The following PRKAG2 variants were observed in gnomAD, a reference collection of about 807,000 sequenced individuals.
PRKAG2 encodes 5'-AMP-activated protein kinase subunit gamma-2.
In PRKAG2, 26 loss-of-function variants were observed where a neutral mutation model predicts 69.6. The observed-to-expected ratio is 0.37, with a 90% CI of 0.27 to 0.52. The LOEUF (loss-of-function observed/expected upper bound fraction) is 0.52, where lower values mean the gene tolerates loss of function less well. Ranked by LOEUF, PRKAG2 falls within the 20% of genes least tolerant of loss-of-function variation. PRKAG2 has a pLI of 0.90. For synonymous variants in PRKAG2, 293 were observed against 285.0 expected, an observed-to-expected ratio of 1.03 and a Z score of -0.28; for missense variants, 557 against 740.0, an observed-to-expected ratio of 0.75 and a Z score of 2.87.
chr7:151,840,659 A>T (rs1205797032), intron 1 of PRKAG2, among the ~76,000 whole-genome samples: 3 of 152,200 alleles, frequency 2.0e-5, no homozygotes, highest in Admixed American at 6.5e-5. Context: ...CCCAAGATGG[A>T]AGTTCACTGT....
chr7:151,794,478 C>A (rs2077400852), intron 1 of PRKAG2, among the ~76,000 whole-genome samples: 1 of 152,274 alleles, frequency 6.6e-6, no homozygotes, highest in Admixed American at 6.5e-5. Flanking sequence ...TCATCAAAGG[C>A]CCTTCCCGCG....
At chr7:151,708,428 C>T (rs1838992190) in intron 3 of PRKAG2, among the ~76,000 whole-genome samples, 1 of 152,040 alleles carries the variant, frequency 6.6e-6, no homozygotes, top group Admixed American at 6.6e-5. Context: ...ATAGAAGCAA[C>T]AAAAAATAAA....
chr7:151,709,203 TTG>T (rs1273183630), intron 3 of PRKAG2, among the ~76,000 whole-genome samples: 3 of 152,138 alleles, frequency 2.0e-5, no homozygotes, highest in African/African-American at 7.2e-5. Flanking sequence ...CTGAATGACA[TTG>T]TGTGACACAG....
At chr7:151,859,476 C>T (rs1006162133) in intron 1 of PRKAG2, among the ~76,000 whole-genome samples, 2 of 152,234 alleles carry the variant, frequency 1.3e-5, no homozygotes, top group African/African-American at 4.8e-5. Flanking sequence ...GCGCCCAGCA[C>T]ATCTCTCCGT....
rs141126421 is a variant in PRKAG2, at chr7:151,807,723, T to G, written c.115-21182A>C. ...GCCCCTCACTTGGGTCAAGGCAGCA[T>G]TTCAGAGGAAGCCAGGAGCGAGAAC... On this transcript the variant is annotated intron_variant, in intron 1 of 15. Transcript: ENST00000287878. This position sits in a 1 kb window ranked among gnomAD's most constrained non-coding sequence, Gnocchi z 4.4. 7.3e-3 allele frequency: 2,955 copies of G among 403,152 alleles called. 28 individuals are homozygous for G. Among genetic ancestry groups the G allele is most frequent in the Middle Eastern group, 0.03 (64 of 2,124 alleles). 25.0% of individuals were successfully genotyped at this position (403,152 alleles called of 1,614,324 possible).
intron 3 of PRKAG2, among the ~76,000 whole-genome samples, chr7:151,677,120 G>A (rs530897870): frequency 6.6e-6 from 1 of 152,332 alleles, no homozygotes; most frequent in South Asian, 2.1e-4. Context: ...TGAGGAGACT[G>A]ATGCAATGCA....
intron 3 of PRKAG2, among the ~76,000 whole-genome samples, chr7:151,750,096 C>CAAAAAA (rs35915808): frequency 2.2e-4 from 14 of 62,978 alleles, no homozygotes; most frequent in East Asian, 4.8e-4. Flanking sequence ...GACTCCATCT[C>CAAAAAA]AAAAAAAAAA....
rs1289222762 is a variant in PRKAG2 at position 151,814,623 on chromosome 7, C to T, written c.115-28082G>A. 2.3e-5 allele frequency: 28 copies of T among 1,231,796 alleles called. No individual in the cohort carries two copies. Among genetic ancestry groups the T allele is most frequent in the Middle Eastern group, 6.2e-4 (2 of 3,208 alleles). 76.3% of individuals were successfully genotyped at this position (1,231,796 alleles called of 1,614,324 possible). ...CAATTTCTAGGGTTCGGCTGTGCTC[C>T]GAGCTGCTGCCACTGCATGTCTGCA... On this transcript the variant is annotated intron_variant, in intron 1 of 15. Transcript: ENST00000287878. This position sits in a 1 kb window ranked among gnomAD's most constrained non-coding sequence, Gnocchi z 4.8.
chr7:151,560,476 C>G, intron 15 of PRKAG2, 48 bp downstream of exon 15: 1 of 1,613,652 alleles, frequency 6.2e-7, no homozygotes, highest in Non-Finnish European at 8.5e-7. Context: ...GTTCTACCTC[C>G]CACCCTTCCT....
chr7:151,646,948 T>A (rs1165968961), intron 4 of PRKAG2, among the ~76,000 whole-genome samples: 3 of 152,196 alleles, frequency 2.0e-5, no homozygotes, highest in African/African-American at 7.2e-5. Flanking sequence ...TCCTCTACCT[T>A]CCTTCCTAGA....
Position 151,710,023 on chromosome 7 carries a change from G to T in PRKAG2, c.467-34386C>A, listed in dbSNP as rs74857152. ...AGCATTTACAGTAGAGCCCCACGGA[G>T]CACTCTCGAGTCTAGAAGGGTGGCC... On this transcript the variant is annotated intron_variant, in intron 3 of 15. Coordinates refer to ENST00000287878, the MANE Select transcript of PRKAG2 (RefSeq NM_016203.4). Among the ~76,000 whole-genome samples the T allele has an allele frequency of 1.9e-3, 286 of 152,306 alleles. 3 individuals carry two copies. Among genetic ancestry groups the T allele is most frequent in the African/African-American group, 6.6e-3 (276 of 41,576 alleles).
rs587781126 is a variant in PRKAG2 at position 151,675,513 on chromosome 7, G to T, written c.591C>A (p.Pro197=). The change falls in exon 4 of 16, where the codon CCC becomes CCA. Residue 197 remains proline, a synonymous_variant. Coordinates refer to ENST00000287878, the MANE Select transcript of PRKAG2 (RefSeq NM_016203.4). ...LENRIYASSS[P]PDTGQRFCPS... Reference sequence around the variant, plus strand: ...GGCAGAACCTCTGCCCTGTGTCCGGGGGGGAAGACGAGGCATAGATGCGAT... The same window carrying T: ...GGCAGAACCTCTGCCCTGTGTCCGGTGGGGAAGACGAGGCATAGATGCGAT... 3.4e-5 allele frequency: 55 copies of T among 1,614,120 alleles called. No individual in the cohort carries two copies. In the South Asian group the frequency reaches 4.1e-4, roughly 12 times the overall value.
chr7:151,765,832 C>A (rs1449449373), intron 3 of PRKAG2, among the ~76,000 whole-genome samples: 3 of 152,132 alleles, frequency 2.0e-5, no homozygotes, highest in East Asian at 1.9e-4. Flanking sequence ...GAAATAAATT[C>A]TTCATCTTGT....
At chr7:151,568,447 T>C (rs1260877777) in intron 11 of PRKAG2, among the ~76,000 whole-genome samples, 4 of 152,238 alleles carry the variant, frequency 2.6e-5, no homozygotes, top group South Asian at 2.1e-4. Flanking sequence ...CATATGCTGG[T>C]GACAAATGTT....
At chr7:151,662,875 A>G (rs1355811492) in intron 4 of PRKAG2, among the ~76,000 whole-genome samples, 1 of 152,188 alleles carries the variant, frequency 6.6e-6, no homozygotes, top group East Asian at 1.9e-4. Flanking sequence ...TGAGTGACAG[A>G]GGGAGAATCT....
chr7:151,777,171 G>T lies in PRKAG2; in HGVS notation c.466+3981C>A. Reference sequence around the variant, plus strand: ...CACAGGCCCCAATGGAAGGGGCCATGGCCAGGTTCAGCATGGGCCCCGAGG... The same window carrying T: ...CACAGGCCCCAATGGAAGGGGCCATTGCCAGGTTCAGCATGGGCCCCGAGG... On this transcript the variant is annotated intron_variant, in intron 3 of 15. Transcript: ENST00000287878. This position sits in a 1 kb window ranked among gnomAD's most constrained non-coding sequence, Gnocchi z 4.3. 6.6e-6 allele frequency among the ~76,000 whole-genome samples: 1 copy of T among 152,202 alleles called. No homozygotes were observed. The highest frequency in any genetic ancestry group is 2.1e-4 in the South Asian group (1 of 4,832).
intron 6 of PRKAG2, among the ~76,000 whole-genome samples, chr7:151,578,930 A>G (rs188118388): frequency 6.6e-6 from 1 of 152,362 alleles, no homozygotes; most frequent in Admixed American, 6.5e-5. Flanking sequence ...TTTAAAACAC[A>G]CTGAATATCT....
chr7:151,801,284 A>T (rs1234682306), intron 1 of PRKAG2, among the ~76,000 whole-genome samples: 1 of 152,250 alleles, frequency 6.6e-6, no homozygotes. Flanking sequence ...TCTGAGGCTC[A>T]GCGCTCAGAC....
intron 5 of PRKAG2, among the ~76,000 whole-genome samples, chr7:151,623,812 C>T (rs902816119): frequency 6.6e-6 from 1 of 151,996 alleles, no homozygotes; most frequent in Non-Finnish European, 1.5e-5. Context: ...AGGGGGGTTA[C>T]ATCGTATGTA....
Sources: allele counts gnomAD v4.1 joint callset (sites outside exome capture counted in the v4.1 genomes callset), GRCh38; gene constraint gnomAD v4.1.1; non-coding constraint Gnocchi (gnomAD v3.1); transcripts MANE v1.5; gene names NCBI Gene and HGNC (gene_info 2026-07-23, HGNC 2026-07-21).